Variants in DEPTOR observed in about 807,000 individuals in gnomAD.
The protein encoded by DEPTOR is DEP domain containing MTOR interacting protein.
DEPTOR carries 41 observed loss-of-function variants against 41.6 expected under a neutral mutation model. The ratio of observed to expected loss-of-function variants is 0.98; its 90% CI spans 0.77 to 1.28. The LOEUF (loss-of-function observed/expected upper bound fraction) is 1.28. DEPTOR is among the 50% of genes most tolerant of loss of function. The pLI is 0.00. For missense variants in DEPTOR, 514 were observed against 527.9 expected, an observed-to-expected ratio of 0.97 and a Z score of 0.26; for synonymous variants, 195 against 192.3, an observed-to-expected ratio of 1.01 and a Z score of -0.12.
At chr8:119,971,082 C>G (rs1053949095) in intron 4 of DEPTOR, among the ~76,000 whole-genome samples, 2 of 151,938 alleles carry the variant, frequency 1.3e-5, no homozygotes, top group Non-Finnish European at 2.9e-5. Context: ...TACAAAAAAA[C>G]TTAGCCGGGC....
chr8:120,006,525 TA>T (rs758625300), intron 6 of DEPTOR, among the ~76,000 whole-genome samples: 452 of 142,042 alleles, frequency 3.2e-3, no homozygotes, highest in Middle Eastern at 7.1e-3. Context: ...ACTCCGTCTT[TA>T]AAAAAAAAAA....
intron 8 of DEPTOR, among the ~76,000 whole-genome samples, chr8:120,019,197 C>A (rs890220045): frequency 2.6e-5 from 4 of 152,036 alleles, no homozygotes; most frequent in Non-Finnish European, 5.9e-5. Context: ...CCCAGCTACT[C>A]ATGAGGCTGA....
At chr8:120,038,481 C>G (rs973796311) in intron 8 of DEPTOR, among the ~76,000 whole-genome samples, 1 of 150,974 alleles carries the variant, frequency 6.6e-6, no homozygotes, top group African/African-American at 2.4e-5. Context: ...GTCCCAGCTA[C>G]TCAGGAGGCT....
At chr8:120,017,476 GCGTGACCTTT>G (rs1263637803) in intron 8 of DEPTOR, among the ~76,000 whole-genome samples, 2 of 152,220 alleles carry the variant, frequency 1.3e-5, no homozygotes, top group African/African-American at 4.8e-5. Context: ...GCTCATAGAT[GCGTGACCTTT>G]CGTGTCTTCC....
intron 1 of DEPTOR, among the ~76,000 whole-genome samples, chr8:119,887,657 G>A (rs1328867346): frequency 9.3e-5 from 14 of 150,336 alleles, no homozygotes; most frequent in Admixed American, 4.7e-4. Context: ...GCAACACCAC[G>A]CCCAGCTAAT....
chr8:119,937,549 A>C (rs547709163), intron 3 of DEPTOR, among the ~76,000 whole-genome samples: 1 of 152,300 alleles, frequency 6.6e-6, no homozygotes, highest in South Asian at 2.1e-4. Flanking sequence ...TGAGTGGGTT[A>C]AAGTTGTTAC....
At chr8:120,042,554 T>C (rs1379020370) in intron 8 of DEPTOR, among the ~76,000 whole-genome samples, 1 of 152,226 alleles carries the variant, frequency 6.6e-6, no homozygotes, top group East Asian at 1.9e-4. Flanking sequence ...GTTTTGCTCT[T>C]GTTGCCCAGG....
At chr8:119,894,332 C>T (rs1827487089) in intron 1 of DEPTOR, among the ~76,000 whole-genome samples, 1 of 152,138 alleles carries the variant, frequency 6.6e-6, no homozygotes, top group Non-Finnish European at 1.5e-5. Flanking sequence ...TCCCAAGGTG[C>T]TGGGATTATG....
intron 1 of DEPTOR, chr8:119,874,380 CCT>C (rs1827206586): frequency 9.3e-6 from 2 of 214,258 alleles, no homozygotes; most frequent in African/African-American, 4.7e-5. Flanking sequence ...GACCCCAGCC[CCT>C]CTACTCCTTG....
chr8:119,992,114 G>A (rs1212246659), intron 4 of DEPTOR, among the ~76,000 whole-genome samples: 2 of 152,218 alleles, frequency 1.3e-5, no homozygotes, highest in Non-Finnish European at 2.9e-5. Context: ...TTTGAGCAAT[G>A]TCTATCAGGG....
At chr8:119,917,650 G>A (rs1286576925) in intron 1 of DEPTOR, among the ~76,000 whole-genome samples, 1 of 152,206 alleles carries the variant, frequency 6.6e-6, no homozygotes, top group African/African-American at 2.4e-5. Flanking sequence ...CTCCCCATGT[G>A]ATAGTCTGAA....
At chr8:119,971,826 T>C (rs1828637599) in intron 4 of DEPTOR, among the ~76,000 whole-genome samples, 1 of 152,200 alleles carries the variant, frequency 6.6e-6, no homozygotes, top group Admixed American at 6.6e-5. Flanking sequence ...TGGGGGCTTT[T>C]CTCATAGGTA....
chr8:119,891,494 C>A (rs13257316), intron 1 of DEPTOR, among the ~76,000 whole-genome samples: 75,572 of 151,892 alleles, frequency 0.5, 20,461 homozygotes, highest in East Asian at 0.92. Context: ...GCTGAGAAAA[C>A]TTAGGAGATG....
At chr8:119,902,809 A>G (rs1011444240) in intron 1 of DEPTOR, among the ~76,000 whole-genome samples, 4 of 152,192 alleles carry the variant, frequency 2.6e-5, no homozygotes, top group Non-Finnish European at 4.4e-5. Context: ...GCTAAAATTA[A>G]GTTGTATAGT....
At chr8:120,007,381 A>G (rs1421677491) in intron 7 of DEPTOR, among the ~76,000 whole-genome samples, 2 of 152,128 alleles carry the variant, frequency 1.3e-5, no homozygotes, top group Non-Finnish European at 2.9e-5. Flanking sequence ...TTTCTACCGT[A>G]GGCAGGGTGC....
intron 3 of DEPTOR, among the ~76,000 whole-genome samples, chr8:119,935,996 G>GTTTT (rs1201688321): frequency 0.016 from 1,659 of 102,668 alleles, 35 homozygotes; most frequent in African/African-American, 0.06. Flanking sequence ...CATTAGTCTA[G>GTTTT]TTGTTTTTTT....
chr8:119,989,467 G>A (rs201804639), intron 4 of DEPTOR, among the ~76,000 whole-genome samples: 5 of 152,156 alleles, frequency 3.3e-5, no homozygotes, highest in South Asian at 2.1e-4. Context: ...TAGTGTGGAG[G>A]TTCAGGGGTG....
chr8:119,983,917 G>C (rs748340673), intron 4 of DEPTOR, among the ~76,000 whole-genome samples: 6 of 152,172 alleles, frequency 3.9e-5, no homozygotes, highest in Middle Eastern at 6.8e-3. Context: ...TATCTCTTCA[G>C]TCTCAAAAGC....
At chr8:120,024,314 G>A (rs1400612305) in intron 8 of DEPTOR, among the ~76,000 whole-genome samples, 3 of 152,114 alleles carry the variant, frequency 2.0e-5, no homozygotes, top group African/African-American at 7.2e-5. Context: ...CCATTAGCTA[G>A]GACATAACCA....
Sources: gnomAD v4.1 joint callset for allele counts (sites outside exome capture counted in the v4.1 genomes callset) on GRCh38, gnomAD v4.1.1 for gene constraint, MANE v1.5 for transcripts, NCBI Gene and HGNC (gene_info 2026-07-23, HGNC 2026-07-21) for gene names.